The following TSPAN6 variants were observed in gnomAD, a reference collection of about 807,000 sequenced individuals.
TSPAN6 encodes the protein tetraspanin-6.
Under a neutral mutation model 18.0 loss-of-function variants are expected in TSPAN6, and 13 were observed. That is an observed-to-expected ratio of 0.72 (90% CI 0.47 to 1.15). TSPAN6 has a LOEUF of 1.15. TSPAN6 is among the 50% of genes most tolerant of loss of function. TSPAN6 has a pLI of 0.00. For missense variants in TSPAN6, 186 were observed against 183.9 expected, an observed-to-expected ratio of 1.01 and a Z score of -0.07; for synonymous variants, 82 against 67.0, an observed-to-expected ratio of 1.22 and a Z score of -1.09.
chrX:100,630,342 G>A (rs765318051), intron 7 of TSPAN6, among the ~76,000 whole-genome samples: 8 of 111,952 alleles, frequency 7.1e-5, no homozygotes, highest in Non-Finnish European at 1.3e-4. Context: ...ACTACGAAAA[G>A]GACTAAGGAA....
Position 100,633,439 on chromosome X carries a change from G to A in TSPAN6, c.551C>T (p.Thr184Ile). Residue 184 changes from threonine to isoleucine, a missense_variant, in exon 5 of 8, where the codon ACT (threonine) becomes ATT (isoleucine). By Grantham distance (89) the Thr-to-Ile change is moderately conservative. Coordinates refer to ENST00000373020, the MANE Select transcript of TSPAN6 (RefSeq NM_003270.4). ...PKSCCKLEDC[T>I]PQRDADKVNN... ...TACTTTGTCTGCATCTCTCTGTGGA[G>A]TACAATCTTCAAGTTTACAGCAACT... is the stretch of plus-strand genomic sequence containing the variant. 8.3e-7 allele frequency: 1 copy of A among 1,209,088 alleles called. No individual in the cohort carries two copies. Among genetic ancestry groups the A allele is most frequent in the South Asian group, 1.8e-5 (1 of 56,541 alleles).
At chrX:100,636,972 T>C (rs2083101207), upstream of TSPAN6, 1 of 178,244 alleles carries the variant, frequency 5.6e-6, no homozygotes, top group Non-Finnish European at 1.0e-5. Context: ...GCTTTCTTCA[T>C]TGTTTTTTTT....
At chrX:100,630,233 A>C (rs2083049706) in intron 7 of TSPAN6, among the ~76,000 whole-genome samples, 1 of 111,929 alleles carries the variant, frequency 8.9e-6, no homozygotes, top group South Asian at 3.7e-4. Context: ...TCCTTATTAG[A>C]CCAGATGAGT....
chrX:100,631,036 A>G (rs1199571076), intron 6 of TSPAN6, among the ~76,000 whole-genome samples, 170 bp from the exon 7 acceptor site: 1 of 112,237 alleles, frequency 8.9e-6, no homozygotes, highest in African/African-American at 3.2e-5. Context: ...ATCTAAGTGA[A>G]GTTTTATTGC....
intron 4 of TSPAN6, 26 bp from the exon 5 acceptor site, chrX:100,633,565 C>A (rs1450750661): frequency 8.6e-6 from 10 of 1,169,208 alleles, no homozygotes; most frequent in Non-Finnish European, 9.1e-6. Context: ...AAAGCATTTA[C>A]AGTTTATATT....
intron 1 of TSPAN6, chrX:100,636,353 C>G: frequency 1.1e-6 from 1 of 949,779 alleles, no homozygotes; most frequent in Non-Finnish European, 1.3e-6. Context: ...CCGTATCGAA[C>G]TCGAACGCTG....
In TSPAN6 at chrX:100,632,586, A is replaced by G; in HGVS notation, c.586-18T>C. 9.0e-7 allele frequency: 1 copy of G among 1,108,734 alleles called. No homozygotes were observed. Among genetic ancestry groups the G allele is most frequent in the Non-Finnish European group, 1.2e-6 (1 of 807,163 alleles). The allele number at this position is 1,108,734 out of a possible 1,213,427, so 91.4% of individuals were successfully genotyped here. A position where few individuals can be genotyped will look rare whatever the true frequency, so the allele number is the denominator to read the frequency against. ...AAACAACCCTAATGGGAGGAAAAAA[A>G]CAAAGATTAAATACAGCACAAGCAG... On this transcript the variant is annotated intron_variant, in intron 5 of 7. Coordinates refer to ENST00000373020, the MANE Select transcript of TSPAN6 (RefSeq NM_003270.4).
intron 3 of TSPAN6, among the ~76,000 whole-genome samples, chrX:100,634,666 T>G (rs777085498): frequency 5.1e-4 from 55 of 108,157 alleles, no homozygotes; most frequent in Non-Finnish European, 8.1e-4. Context: ...TAATTTTTTG[T>G]TTTTTTTTGT....
At chrX:100,635,829 G>T in intron 1 of TSPAN6, 83 bp from the exon 2 acceptor site, 1 of 784,326 alleles carries the variant, frequency 1.3e-6, no homozygotes, top group Non-Finnish European at 1.7e-6. Context: ...GGTATTTAAG[G>T]CACAATAGGT....
At position 100,633,412 on chromosome X, in the gene TSPAN6, T is replaced by C; in HGVS notation, c.578A>G (p.Asn193Ser). Residue 193 changes from asparagine (N) to serine (S), a missense_variant, in exon 5 of 8, where the codon AAC becomes AGC. Physicochemically the swap from Asn to Ser is conservative, Grantham distance 46. Coordinates refer to ENST00000373020, the MANE Select transcript of TSPAN6 (RefSeq NM_003270.4). ...TTTTAAAAGGCACCTTACTTCATTG[T>C]TTACTTTGTCTGCATCTCTCTGTGG... Reference protein sequence around the residue: ...CTPQRDADKVNNEGCFIKVMT... With the variant: ...CTPQRDADKVSNEGCFIKVMT... 1 of 1,210,117 alleles carries C rather than the reference T, an allele frequency of 8.3e-7. No homozygotes were observed. Among genetic ancestry groups the C allele is most frequent in the African/African-American group, 1.7e-5 (1 of 57,805 alleles).
rs948602737 is a variant in TSPAN6, at chrX:100,631,651, T to C, written c.670-785A>G. Reference sequence around the variant, plus strand: ...CTAAATTTTAATAGGTTGGAACTTGTATACAACTCATCAGGCAGTTGCAGC... The same window carrying C: ...CTAAATTTTAATAGGTTGGAACTTGCATACAACTCATCAGGCAGTTGCAGC... On this transcript the variant is annotated intron_variant, in intron 6 of 7. Transcript: ENST00000373020. 9.9e-5 allele frequency among the ~76,000 whole-genome samples: 11 copies of C among 111,347 alleles called. No individual in the cohort carries two copies. In the East Asian group the frequency reaches 3.1e-3, roughly 32 times the overall value.
chrX:100,631,961 C>T (rs1207633424), intron 6 of TSPAN6: 1 of 115,972 alleles, frequency 8.6e-6, no homozygotes, highest in African/African-American at 3.3e-5. Context: ...TGGTTTGCTG[C>T]ACCCATCAAC....
intron 6 of TSPAN6, chrX:100,631,997 CTAAA>C (rs755287901): frequency 1.6e-5 from 2 of 123,951 alleles, no homozygotes; most frequent in Admixed American, 8.8e-5. Flanking sequence ...GGTATTTCTC[CTAAA>C]TAAAGTATTT....
chrX:100,634,814 G>T (rs2083083702), intron 3 of TSPAN6, among the ~76,000 whole-genome samples: 1 of 111,862 alleles, frequency 8.9e-6, no homozygotes. Flanking sequence ...TTAAACTTCT[G>T]ATGATTTGCA....
At position 100,630,832 on chromosome X, in the gene TSPAN6, C is replaced by A. The variant is rs745504645; in HGVS notation, c.704G>T (p.Arg235Leu). The part of the protein sequence containing the change: ...IGIFLAYCLS[R>L]AITNNQYEIV ...CTCATACTGGTTATTTGTTATGGCA[C>A]GAGAGAGGCAGTAGGCGAGAAAGAT... is the stretch of plus-strand genomic sequence containing the variant. Residue 235 changes from arginine to leucine, a missense_variant, in exon 7 of 8, where the codon CGT (arginine) becomes CTT (leucine). Transcript: ENST00000373020. The A allele has an allele frequency of 2.5e-6, 3 of 1,209,665 alleles. No homozygotes were observed. The highest frequency in any genetic ancestry group is 3.0e-5 in the East Asian group (1 of 33,820).
Position 100,633,270 on chromosome X carries a change from G to A in TSPAN6, c.585+135C>T. On this transcript the variant is annotated intron_variant, in intron 5 of 7. Transcript: ENST00000373020. ...GAAGGCGGAGCTTGCAGTGAGCCGA[G>A]AACGCGCCACTGCACTCCAGCCTGG... The A allele has an allele frequency of 7.3e-6, 4 of 550,643 alleles. No homozygotes were observed. The Admixed American group carries it at 1.4e-4, about 20-fold the overall frequency. The allele number at this position is 550,643 out of a possible 1,213,427, so 45.4% of individuals were successfully genotyped here.
In TSPAN6 at chrX:100,627,532, G is replaced by A. The variant is rs1296155776; in HGVS notation, c.*2494C>T. On this transcript the variant is annotated 3_prime_UTR_variant, in exon 8 of 8. Coordinates refer to ENST00000373020, the MANE Select transcript of TSPAN6 (RefSeq NM_003270.4). ...ATCTAGTGATCCCTCTTTCTAACCA[G>A]CTAGTCTAATTAGCAAACTATTAAA... The A allele has an allele frequency of 9.0e-6, 1 of 111,313 alleles. No homozygotes were observed. The highest frequency in any genetic ancestry group is 3.3e-5 in the African/African-American group (1 of 30,559). The allele number at this position is 111,313 out of a possible 1,213,427, so 9.2% of individuals were successfully genotyped here.
chrX:100,631,344 G>A (rs2083057733), intron 6 of TSPAN6, among the ~76,000 whole-genome samples: 1 of 112,491 alleles, frequency 8.9e-6, no homozygotes, highest in Admixed American at 9.4e-5. Flanking sequence ...CCAGCAAACT[G>A]AGGTTTTAAT....
At chrX:100,635,135 G>T in intron 3 of TSPAN6, 43 bp downstream of exon 3, 1 of 1,000,201 alleles carries the variant, frequency 1.0e-6, no homozygotes, top group Non-Finnish European at 1.4e-6. Flanking sequence ...TTATCTCTCA[G>T]AGGATAAATG....
Sources: gnomAD v4.1 joint callset for allele counts (sites outside exome capture counted in the v4.1 genomes callset) on GRCh38, gnomAD v4.1.1 for gene constraint, MANE v1.5 for transcripts, NCBI Gene and HGNC (gene_info 2026-07-23, HGNC 2026-07-21) for gene names.